EPB41L4A: variants seen among roughly 807,000 people sequenced by gnomAD.
EPB41L4A encodes band 4.1-like protein 4A.
In EPB41L4A, 100 loss-of-function variants were observed where a neutral mutation model predicts 108.6. The observed-to-expected ratio is 0.92, with a 90% CI of 0.78 to 1.09. The LOEUF is 1.09. EPB41L4A is among the 50% of genes least tolerant of loss of function. The pLI, the probability that EPB41L4A is intolerant of heterozygous loss-of-function variation, is 0.00. For missense variants in EPB41L4A, 1,030 were observed against 842.7 expected (o/e 1.22, Z -2.75); for synonymous variants, 319 against 289.0 (o/e 1.10, Z -1.05).
intron 1 of EPB41L4A, among the ~76,000 whole-genome samples, chr5:112,372,747 A>G (rs1350375049): frequency 6.6e-6 from 1 of 152,204 alleles, no homozygotes; most frequent in Non-Finnish European, 1.5e-5. Flanking sequence ...AAGCCACTGA[A>G]GAATTTTAAG....
chr5:112,348,060 G>A (rs775634906), intron 1 of EPB41L4A, among the ~76,000 whole-genome samples: 6 of 152,180 alleles, frequency 3.9e-5, no homozygotes, highest in Non-Finnish European at 7.3e-5. Flanking sequence ...TCTCCAACCT[G>A]CCTCCACTCC....
At chr5:112,325,081 A>C (rs1454896233) in intron 1 of EPB41L4A, among the ~76,000 whole-genome samples, 3 of 152,230 alleles carry the variant, frequency 2.0e-5, no homozygotes, top group Non-Finnish European at 4.4e-5. Flanking sequence ...AATTTGGATG[A>C]CCATCAATAG....
intron 1 of EPB41L4A, among the ~76,000 whole-genome samples, chr5:112,402,120 T>C (rs576355818): frequency 2.0e-5 from 3 of 152,188 alleles, no homozygotes; most frequent in South Asian, 2.1e-4. Context: ...TGGGAGGTAA[T>C]TGGATCTTGG....
chr5:112,267,430 G>A (rs1751942119), intron 4 of EPB41L4A, among the ~76,000 whole-genome samples: 1 of 152,164 alleles, frequency 6.6e-6, no homozygotes, highest in Non-Finnish European at 1.5e-5. Context: ...ATTATTTCAG[G>A]AAGATTGGCA....
intron 12 of EPB41L4A, among the ~76,000 whole-genome samples, chr5:112,212,834 A>C (rs1196775675): frequency 1.3e-5 from 2 of 152,134 alleles, no homozygotes; most frequent in African/African-American, 4.8e-5. Context: ...TAACTAGCTT[A>C]AGAAAAGACC....
intron 1 of EPB41L4A, among the ~76,000 whole-genome samples, chr5:112,340,314 C>G (rs947678692): frequency 2.0e-5 from 3 of 152,182 alleles, no homozygotes; most frequent in Non-Finnish European, 4.4e-5. Flanking sequence ...AAACAGACTG[C>G]TAGGCTCCAC....
intron 1 of EPB41L4A, among the ~76,000 whole-genome samples, chr5:112,340,185 A>C (rs1370262829): frequency 6.6e-6 from 1 of 152,180 alleles, no homozygotes; most frequent in Non-Finnish European, 1.5e-5. Context: ...AAGGAAAGGA[A>C]GATCTACCCA....
Position 112,170,347 on chromosome 5 carries a change from C to T in EPB41L4A, c.1693G>A (p.Gly565Arg), listed in dbSNP as rs201909036. ...HIQKELVDPSGLSEEQLKEIP... is the reference protein window; with the variant it reads ...HIQKELVDPSRLSEEQLKEIP... Reference sequence around the variant, plus strand: ...TCTTTTAATTGTTCTTCGGACAATCCGGATGGATCCACAAGTTCTTTTCTG... The same window carrying T: ...TCTTTTAATTGTTCTTCGGACAATCTGGATGGATCCACAAGTTCTTTTCTG... The change falls in exon 20 of 23, where the codon GGA (glycine) becomes AGA (arginine). Residue 565 changes from glycine (G) to arginine (R), a missense_variant. Physicochemically the swap from Gly to Arg is moderately radical, Grantham distance 125 (BLOSUM62 -2). Coordinates refer to ENST00000261486, the MANE Select transcript of EPB41L4A (RefSeq NM_022140.5). 92 of 1,611,380 alleles carry T rather than the reference C, an allele frequency of 5.7e-5. No homozygotes were observed. The highest frequency in any genetic ancestry group is 3.3e-4 in the Admixed American group (20 of 59,806).
At position 112,275,340 on chromosome 5, in the gene EPB41L4A, T is replaced by G. The variant is rs1447683520; in HGVS notation, c.321A>C (p.Lys107Asn). 1.9e-6 allele frequency: 3 copies of G among 1,553,726 alleles called. No homozygotes were observed. In the South Asian group the frequency reaches 3.5e-5, roughly 18 times the overall value. Residue 107 changes from lysine (K) to asparagine (N), a missense_variant, in exon 4 of 23, where the codon AAA becomes AAC. Lys to Asn is a moderately conservative substitution (Grantham distance 94). Transcript: ENST00000261486. ...CAATACTATACCTGGTTATTTCTTCTTTAAGTTTACATGGATCTTCAGCAT... is the reference window on the plus strand; with the variant it reads ...CAATACTATACCTGGTTATTTCTTCGTTAAGTTTACATGGATCTTCAGCAT... ...KFYAEDPCKL[K>N]EEITRYQFFL...
chr5:112,377,215 G>GAA (rs576720562), intron 1 of EPB41L4A, among the ~76,000 whole-genome samples: 2,794 of 101,678 alleles, frequency 0.027, 115 homozygotes, highest in African/African-American at 0.089. Flanking sequence ...CTGTTTGTTT[G>GAA]AAAAAAAAAA....
intron 1 of EPB41L4A, among the ~76,000 whole-genome samples, chr5:112,412,535 G>A (rs539798666): frequency 4.5e-4 from 68 of 152,274 alleles, no homozygotes; most frequent in African/African-American, 1.6e-3. Context: ...GTACTTACAA[G>A]GTTTTTGAGT....
At chr5:112,403,656 G>A (rs552477422) in intron 1 of EPB41L4A, among the ~76,000 whole-genome samples, 6 of 152,152 alleles carry the variant, frequency 3.9e-5, no homozygotes, top group Middle Eastern at 3.4e-3. Context: ...TTGTAGAGAC[G>A]GGGGTCTCAC....
At position 112,195,546 on chromosome 5, in the gene EPB41L4A, T is replaced by C. The variant is rs1433886105; in HGVS notation, c.1424+115A>G. On this transcript the variant is annotated intron_variant, in intron 16 of 22. Transcript: ENST00000261486. The stretch of plus-strand genomic sequence containing the variant: ...AATCAGCTGAAGACAAACTGGCTTT[T>C]GAAAGTAAAAAAAATAAAAAAAAAT... The C allele has an allele frequency of 1.0e-5, 9 of 866,430 alleles. No individual in the cohort carries two copies. The Admixed American group carries it at 2.1e-4, about 20-fold the overall frequency. The allele number at this position is 866,430 out of a possible 1,614,324, so 53.7% of individuals were successfully genotyped here. A position where few individuals can be genotyped will look rare whatever the true frequency, so the allele number is the denominator to read the frequency against.
rs187424649 is a variant in EPB41L4A, at chr5:112,383,420, G to A, written c.99+35521C>T. On this transcript the variant is annotated intron_variant, in intron 1 of 22. Coordinates refer to ENST00000261486, the MANE Select transcript of EPB41L4A (RefSeq NM_022140.5). ...TATAAGATTTCAATGACAAAAGACCGTAAAACTGTACTGAAAGAAAAATTT... is the reference window on the plus strand; with the variant it reads ...TATAAGATTTCAATGACAAAAGACCATAAAACTGTACTGAAAGAAAAATTT... Among the ~76,000 whole-genome samples, 18 of 152,264 alleles carry A rather than the reference G, an allele frequency of 1.2e-4. No homozygotes were observed. The East Asian group carries it at 2.5e-3, about 21-fold the overall frequency.
At chr5:112,402,055 C>G (rs1012364787) in intron 1 of EPB41L4A, among the ~76,000 whole-genome samples, 2 of 152,188 alleles carry the variant, frequency 1.3e-5, no homozygotes, top group African/African-American at 4.8e-5. Flanking sequence ...GGATTTGCGT[C>G]CCCGCCCAAA....
intron 3 of EPB41L4A, among the ~76,000 whole-genome samples, chr5:112,279,732 T>C (rs936982748): frequency 6.6e-6 from 1 of 152,276 alleles, no homozygotes; most frequent in Middle Eastern, 3.4e-3. Flanking sequence ...CTTAATTATA[T>C]TGCATCTCCT....
chr5:112,419,659 G>A (rs1762974350), upstream of EPB41L4A: 1 of 456,454 alleles, frequency 2.2e-6, no homozygotes. Context: ...CATGGGCGCA[G>A]GGGCAGAGGC....
intron 15 of EPB41L4A, among the ~76,000 whole-genome samples, chr5:112,198,542 C>T (rs367929395): frequency 1.2e-4 from 19 of 152,210 alleles, no homozygotes; most frequent in Middle Eastern, 3.4e-3. Flanking sequence ...CCTTCAGTTC[C>T]GGAATATTCG....
chr5:112,288,679 A>G (rs1753443060), intron 2 of EPB41L4A, among the ~76,000 whole-genome samples: 1 of 152,156 alleles, frequency 6.6e-6, no homozygotes, highest in Non-Finnish European at 1.5e-5. Context: ...TGGTTATCCT[A>G]TGCATGTTCC....
Sources: gnomAD v4.1 joint callset for allele counts (sites outside exome capture counted in the v4.1 genomes callset) on GRCh38, gnomAD v4.1.1 for gene constraint, MANE v1.5 for transcripts, NCBI Gene and HGNC (gene_info 2026-07-23, HGNC 2026-07-21) for gene names.